The following TPRG1 variants were observed in gnomAD, a reference collection of about 807,000 sequenced individuals.
TPRG1 encodes the protein tumor protein p63 regulated 1.
A neutral mutation model predicts 29.3 loss-of-function variants in TPRG1; 29 were observed. The ratio of observed to expected loss-of-function variants is 0.99; its 90% CI spans 0.74 to 1.35. The LOEUF is 1.35. Among genes scored for constraint, TPRG1 ranks in the 40% most tolerant of loss-of-function variants. The probability of loss-of-function intolerance (pLI) is 0.00; values close to 1 mark genes in which losing one functional copy is unlikely to be tolerated. For missense variants in TPRG1, 327 were observed against 335.0 expected (o/e 0.98, Z 0.19); for synonymous variants, 130 against 116.8 (o/e 1.11, Z -0.73).
chr3:189,173,203 G>A (rs1198578753), intron 1 of TPRG1, among the ~76,000 whole-genome samples: 1 of 152,090 alleles, frequency 6.6e-6, no homozygotes, highest in Non-Finnish European at 1.5e-5. Flanking sequence ...GTGCATGTGT[G>A]TATGTGTGTG....
chr3:189,144,012 C>G (rs558829532), intron 3 of TPRG1, among the ~76,000 whole-genome samples: 1 of 152,304 alleles, frequency 6.6e-6, no homozygotes, highest in South Asian at 2.1e-4. Context: ...AGGAACTCTT[C>G]CCACAGTCTA....
intron 3 of TPRG1, chr3:189,217,804 G>C: frequency 3.2e-5 from 31 of 981,138 alleles, no homozygotes; most frequent in Non-Finnish European, 3.8e-5. Context: ...TTGTCAAAAA[G>C]AGGAGCATTC....
intron 1 of TPRG1, among the ~76,000 whole-genome samples, chr3:188,998,562 A>G (rs1711898696): frequency 6.6e-6 from 1 of 152,258 alleles, no homozygotes; most frequent in Non-Finnish European, 1.5e-5. Context: ...GAATTACATT[A>G]AAAATGTTAA....
At chr3:189,105,624 A>G (rs1719729226) in intron 1 of TPRG1, among the ~76,000 whole-genome samples, 1 of 152,070 alleles carries the variant, frequency 6.6e-6, no homozygotes, top group Non-Finnish European at 1.5e-5. Flanking sequence ...CAACCTTGGG[A>G]ACTTCAACTG....
At chr3:189,068,717 G>A (rs1347832901) in intron 4 of TPRG1, among the ~76,000 whole-genome samples, 2 of 152,192 alleles carry the variant, frequency 1.3e-5, no homozygotes, top group South Asian at 2.1e-4. Context: ...CGGAGGTTGC[G>A]GTGAGCCGAG....
chr3:189,121,075 T>A (rs900749516), intron 1 of TPRG1, among the ~76,000 whole-genome samples: 3 of 152,226 alleles, frequency 2.0e-5, no homozygotes, highest in Non-Finnish European at 4.4e-5. Context: ...GATACAGATC[T>A]CTAAATTTTT....
At chr3:189,140,575 A>G (rs1724413093) in intron 3 of TPRG1, among the ~76,000 whole-genome samples, 2 of 151,926 alleles carry the variant, frequency 1.3e-5, no homozygotes, top group African/African-American at 4.8e-5. Flanking sequence ...CTTGTCTTGC[A>G]CCCCGCTGGT....
chr3:189,006,712 T>A (rs540018758), intron 3 of TPRG1, among the ~76,000 whole-genome samples: 1 of 151,520 alleles, frequency 6.6e-6, no homozygotes, highest in African/African-American at 2.4e-5. Context: ...AGTCCCAGTT[T>A]AAAAAAAAAT....
intron 2 of TPRG1, among the ~76,000 whole-genome samples, chr3:189,211,418 G>A (rs1022388652): frequency 1.3e-5 from 2 of 152,058 alleles, no homozygotes; most frequent in Non-Finnish European, 2.9e-5. Context: ...TTTACAAAGA[G>A]GTGACTGACA....
chr3:189,277,846 C>T (rs1196203644), intron 4 of TPRG1, among the ~76,000 whole-genome samples: 1 of 152,158 alleles, frequency 6.6e-6, no homozygotes, highest in African/African-American at 2.4e-5. Flanking sequence ...CTTCAACTTA[C>T]TCAAAAATGG....
At chr3:189,031,184 G>A (rs145072453) in intron 4 of TPRG1, among the ~76,000 whole-genome samples, 2,661 of 152,082 alleles carry the variant, frequency 0.017, 75 homozygotes, top group African/African-American at 0.06. Flanking sequence ...CCAGCTGCTC[G>A]GGAGGCTGAG....
At chr3:189,268,396 A>C (rs1293337681) in intron 4 of TPRG1, among the ~76,000 whole-genome samples, 2 of 152,164 alleles carry the variant, frequency 1.3e-5, no homozygotes, top group Admixed American at 6.5e-5. Flanking sequence ...TTTTTGAGTA[A>C]TGGACTGAAC....
At chr3:189,146,233 G>T (rs1725246121) in intron 3 of TPRG1, among the ~76,000 whole-genome samples, 2 of 152,292 alleles carry the variant, frequency 1.3e-5, no homozygotes, top group Non-Finnish European at 2.9e-5. Flanking sequence ...CGTGACTAAA[G>T]ATCAGTTTCA....
At chr3:189,277,315 A>G (rs79351481) in intron 4 of TPRG1, among the ~76,000 whole-genome samples, 13,380 of 152,184 alleles carry the variant, frequency 0.088, 758 homozygotes, top group East Asian at 0.15. Flanking sequence ...TACGCACACA[A>G]CACCTCATAC....
chr3:189,184,948 G>A (rs751891564), intron 1 of TPRG1, among the ~76,000 whole-genome samples: 16 of 152,212 alleles, frequency 1.1e-4, no homozygotes, highest in African/African-American at 1.7e-4. Flanking sequence ...TTACCTTGGC[G>A]TGCGTGTATT....
intron 4 of TPRG1, among the ~76,000 whole-genome samples, chr3:189,295,140 G>A (rs1239682370): frequency 2.0e-5 from 3 of 151,984 alleles, no homozygotes; most frequent in African/African-American, 7.3e-5. Context: ...TGGTTAAATC[G>A]CCACTTCTTC....
chr3:189,253,982 A>G (rs564158258), intron 4 of TPRG1, among the ~76,000 whole-genome samples: 82 of 152,182 alleles, frequency 5.4e-4, no homozygotes, highest in African/African-American at 1.9e-3. Flanking sequence ...AAGTCCTTGT[A>G]GATTCTGCAC....
At chr3:189,176,405 T>A (rs1241233775) in intron 1 of TPRG1, among the ~76,000 whole-genome samples, 3 of 152,168 alleles carry the variant, frequency 2.0e-5, no homozygotes, top group Non-Finnish European at 4.4e-5. Context: ...GGGAAGAAAA[T>A]TGTGTCTTTT....
intron 3 of TPRG1, among the ~76,000 whole-genome samples, chr3:189,005,305 G>A (rs549716605): frequency 6.6e-6 from 1 of 152,056 alleles, no homozygotes; most frequent in Non-Finnish European, 1.5e-5. Context: ...GATACAAAGT[G>A]GGGACTCAGT....
Sources: allele counts gnomAD v4.1 joint callset (sites outside exome capture counted in the v4.1 genomes callset), GRCh38; gene constraint gnomAD v4.1.1; transcripts MANE v1.5; gene names NCBI Gene and HGNC (gene_info 2026-07-23, HGNC 2026-07-21).